KIF26B: variants seen among roughly 807,000 people sequenced by gnomAD.
KIF26B encodes the protein kinesin-like protein KIF26B.
In KIF26B, 63 loss-of-function variants were observed where a neutral mutation model predicts 151.2. The observed-to-expected ratio is 0.42, with a 90% confidence interval of 0.34 to 0.51. The LOEUF is 0.51. Ranked by LOEUF, KIF26B falls within the 20% of genes least tolerant of loss-of-function variation. KIF26B has a pLI of 0.07. For synonymous variants in KIF26B, 1,357 were observed against 1,262.1 expected (o/e 1.08, Z -1.59); for missense variants, 2,813 against 2,913.6 (o/e 0.97, Z 0.79).
At chr1:245,203,171 T>C (rs151197979) in intron 2 of KIF26B, among the ~76,000 whole-genome samples, 1,958 of 137,738 alleles carry the variant, frequency 0.014, 20 homozygotes, top group Middle Eastern at 0.051. Context: ...AGCTTGAACC[T>C]GGGAGGCAGA....
chr1:245,670,890 G>A (rs932845865), intron 10 of KIF26B, among the ~76,000 whole-genome samples: 3 of 151,940 alleles, frequency 2.0e-5, no homozygotes, highest in African/African-American at 7.3e-5. Context: ...ACTTAAAAAC[G>A]TACAATTAAG....
At chr1:245,221,220 T>C (rs1231754978) in intron 2 of KIF26B, among the ~76,000 whole-genome samples, 1 of 152,076 alleles carries the variant, frequency 6.6e-6, no homozygotes, top group Non-Finnish European at 1.5e-5. Context: ...GGGGAGCTAA[T>C]GTCACCAACA....
intron 4 of KIF26B, among the ~76,000 whole-genome samples, chr1:245,447,781 G>C (rs1283263686): frequency 6.6e-6 from 1 of 152,192 alleles, no homozygotes; most frequent in African/African-American, 2.4e-5. Flanking sequence ...CCTTGTCCTA[G>C]AAATTTCTGC....
chr1:245,694,374 G>GA (rs760687969), intron 12 of KIF26B, among the ~76,000 whole-genome samples: 1 of 152,190 alleles, frequency 6.6e-6, no homozygotes, highest in Non-Finnish European at 1.5e-5. Flanking sequence ...CCTACTCTTT[G>GA]AATCAGAATG....
chr1:245,176,871 G>A (rs1014852815), intron 2 of KIF26B, among the ~76,000 whole-genome samples: 1 of 152,282 alleles, frequency 6.6e-6, no homozygotes, highest in East Asian at 1.9e-4. Context: ...TTTACAGCGG[G>A]CTTACTGGTA....
chr1:245,607,328 A>T (rs535185469), intron 6 of KIF26B, among the ~76,000 whole-genome samples: 1 of 152,220 alleles, frequency 6.6e-6, no homozygotes, highest in South Asian at 2.1e-4. Context: ...ATGGCAGATG[A>T]GGGAAGGGAA....
At chr1:245,377,780 A>G (rs957339671) in intron 3 of KIF26B, among the ~76,000 whole-genome samples, 27 of 152,150 alleles carry the variant, frequency 1.8e-4, no homozygotes, top group Non-Finnish European at 2.5e-4. Context: ...TCAGCAGTGG[A>G]GGATTCTCAT....
chr1:245,416,095 C>G (rs1027832918), intron 3 of KIF26B, among the ~76,000 whole-genome samples: 1 of 138,622 alleles, frequency 7.2e-6, no homozygotes, highest in Non-Finnish European at 1.5e-5. Flanking sequence ...GGAGAAACCC[C>G]GTCTCTAGTA....
At chr1:245,208,761 A>G (rs1297742132) in intron 2 of KIF26B, among the ~76,000 whole-genome samples, 1 of 152,170 alleles carries the variant, frequency 6.6e-6, no homozygotes, top group Non-Finnish European at 1.5e-5. Flanking sequence ...AGGAGGGGAT[A>G]TAGGCCACCA....
At position 245,218,477 on chromosome 1, in the gene KIF26B, A is replaced by T. The variant is rs571970657; in HGVS notation, c.465+61794A>T. Among the ~76,000 whole-genome samples, 1 of 152,276 alleles carries T rather than the reference A, an allele frequency of 6.6e-6. No homozygotes were observed. Among genetic ancestry groups the T allele is most frequent in the East Asian group, 1.9e-4 (1 of 5,188 alleles). ...GAAGAGCAGAGGAGGGTGAGTGAGG[A>T]AAAAGCAGGAGGGTATTGGGTGTGG... On this transcript the variant is annotated intron_variant, in intron 2 of 14. Coordinates refer to ENST00000407071, the MANE Select transcript of KIF26B (RefSeq NM_018012.4). This position sits in a 1 kb window ranked among gnomAD's most constrained non-coding sequence, Gnocchi z 4.1.
chr1:245,264,523 A>C (rs1241215208), intron 2 of KIF26B, among the ~76,000 whole-genome samples: 2 of 152,174 alleles, frequency 1.3e-5, no homozygotes, highest in African/African-American at 4.8e-5. Flanking sequence ...TATTCAAAGA[A>C]AATGGAAACT....
chr1:245,202,684 C>T (rs529390647), intron 2 of KIF26B, among the ~76,000 whole-genome samples: 5 of 149,386 alleles, frequency 3.3e-5, no homozygotes, highest in African/African-American at 5.0e-5. Context: ...GCCGTGAACC[C>T]GGGAGGCGGA....
At position 245,156,358 on chromosome 1, in the gene KIF26B, A is replaced by G; in HGVS notation, c.140A>G (p.Glu47Gly). 1 of 1,545,166 alleles carries G rather than the reference A, an allele frequency of 6.5e-7. No homozygotes were observed. Among genetic ancestry groups the G allele is most frequent in the Non-Finnish European group, 8.7e-7 (1 of 1,144,996 alleles). Reference sequence around the variant, plus strand: ...AGCTGGTACCGGAAAGCATACGAGGAGTCGCGCGCCGGCAGCCGGCCCACT... The same window carrying G: ...AGCTGGTACCGGAAAGCATACGAGGGGTCGCGCGCCGGCAGCCGGCCCACT... ...PESWYRKAYEESRAGSRPTPE... is the reference protein window; with the variant it reads ...PESWYRKAYEGSRAGSRPTPE... Residue 47 changes from glutamate (E) to glycine (G), a missense_variant, in exon 2 of 15, where the codon GAG (glutamate) becomes GGG (glycine). By Grantham distance (98) the Glu-to-Gly change is moderately conservative. Transcript: ENST00000407071.
At chr1:245,338,722 T>C (rs996741112) in intron 2 of KIF26B, among the ~76,000 whole-genome samples, 2 of 152,134 alleles carry the variant, frequency 1.3e-5, no homozygotes, top group African/African-American at 4.8e-5. Flanking sequence ...TGTTGTAACC[T>C]CTGACCCGAA....
intron 5 of KIF26B, among the ~76,000 whole-genome samples, chr1:245,583,024 AC>A (rs1282199208): frequency 1.3e-5 from 2 of 151,546 alleles, no homozygotes; most frequent in African/African-American, 4.9e-5. Flanking sequence ...CAGCGTAACC[AC>A]CCCCTACTCA....
chr1:245,668,341 A>C (rs1033430052), intron 10 of KIF26B, among the ~76,000 whole-genome samples: 1 of 152,240 alleles, frequency 6.6e-6, no homozygotes, highest in African/African-American at 2.4e-5. Context: ...GTACCAACTT[A>C]AAAGATGCAA....
At position 245,686,875 on chromosome 1, in the gene KIF26B, T is replaced by A; in HGVS notation, c.3892T>A (p.Phe1298Ile). The A allele has an allele frequency of 6.2e-7, 1 of 1,613,550 alleles. No homozygotes were observed. Among genetic ancestry groups the A allele is most frequent in the Non-Finnish European group, 8.5e-7 (1 of 1,179,836 alleles). ...GSEGEQSCHS[F>I]IAQTCFGHGE... The stretch of plus-strand genomic sequence containing the variant: ...TGAGGGTGAGCAGTCGTGCCACAGT[T>A]TCATAGCCCAGACGTGTTTTGGGCA... The change falls in exon 12 of 15, where the codon TTC becomes ATC. Residue 1298 changes from phenylalanine to isoleucine, a missense_variant. Phe to Ile is a conservative substitution (Grantham distance 21). This residue lies in a region of KIF26B where 2,060 missense variants were observed against 2,088.6 expected (regional missense o/e 0.99). Transcript: ENST00000407071. This position sits in a 1 kb window ranked among gnomAD's most constrained non-coding sequence, Gnocchi z 5.6.
In KIF26B at chr1:245,580,048, T is replaced by C. The variant is rs1003399283; in HGVS notation, c.1351-22529T>C. 1.1e-4 allele frequency among the ~76,000 whole-genome samples: 17 copies of C among 152,258 alleles called. No homozygotes were observed. The East Asian group carries it at 1.4e-3, about 12-fold the overall frequency. ...TACCTCTGCCCACTCCCCTCTGCCA[T>C]GTTTTTCCAGCTGTACCGTGCCGAT... On this transcript the variant is annotated intron_variant, in intron 5 of 14. Coordinates refer to ENST00000407071, the MANE Select transcript of KIF26B (RefSeq NM_018012.4).
chr1:245,288,797 T>C (rs1317235075), intron 2 of KIF26B, among the ~76,000 whole-genome samples: 1 of 152,200 alleles, frequency 6.6e-6, no homozygotes. Flanking sequence ...TCTTGATTTT[T>C]TTTTCCTAAA....
Sources: gnomAD v4.1 joint callset for allele counts (sites outside exome capture counted in the v4.1 genomes callset) on GRCh38, gnomAD v4.1.1 for gene constraint, gnomAD v4.1.1 regional missense constraint, Gnocchi (gnomAD v3.1) non-coding constraint, MANE v1.5 for transcripts, NCBI Gene and HGNC (gene_info 2026-07-23, HGNC 2026-07-21) for gene names.